EMC10: variants seen among roughly 807,000 people sequenced by gnomAD.
EMC10 encodes UPF0510 protein INM02.
EMC10 carries 40 observed loss-of-function variants against 32.2 expected under a neutral mutation model. That is an observed-to-expected ratio of 1.24 (90% confidence interval 0.96 to 1.61). The LOEUF is 1.61. EMC10 is among the 40% of genes most tolerant of loss of function. EMC10 has a pLI of 0.00. For missense variants in EMC10, 402 were observed against 357.7 expected (o/e 1.12, Z -1.00); for synonymous variants, 178 against 158.4 (o/e 1.12, Z -0.93).
rs1978334116 is a variant in EMC10, at chr19:50,485,901, C to T, written c.*3642C>T. 3 of 152,270 alleles carry T rather than the reference C, an allele frequency of 2.0e-5. No homozygotes were observed. The highest frequency in any genetic ancestry group is 7.2e-5 in the African/African-American group (3 of 41,410). The allele number at this position is 152,270 out of a possible 1,614,324, so 9.4% of individuals were successfully genotyped here. On this transcript the variant is annotated 3_prime_UTR_variant, in exon 7 of 7. Coordinates refer to ENST00000334976, the MANE Select transcript of EMC10 (RefSeq NM_206538.4). ...TCTGCCTCCTGGACCCTCATCCTAG[C>T]CTCGTGACTTCTGGTCTAAGATGTG... is the stretch of plus-strand genomic sequence containing the variant.
At position 50,483,204 on chromosome 19, in the gene EMC10, C is replaced by A; in HGVS notation, c.*945C>A. ...CAACTGTTGTTTTGGCAAGACGGTC[C>A]TGATGTACAAGCTTGATTGAAATTC... On this transcript the variant is annotated 3_prime_UTR_variant, in exon 7 of 7. Transcript: ENST00000334976. 2.2e-6 allele frequency: 1 copy of A among 444,534 alleles called. No individual in the cohort carries two copies. Among genetic ancestry groups the A allele is most frequent in the Admixed American group, 2.4e-5 (1 of 41,194 alleles). 27.5% of individuals were successfully genotyped at this position (444,534 alleles called of 1,614,324 possible).
rs976030536 is a variant in EMC10, at chr19:50,486,334, C to G, written c.*4075C>G. The G allele has an allele frequency of 6.6e-6, 1 of 152,132 alleles. No individual in the cohort carries two copies. The highest frequency in any genetic ancestry group is 2.4e-5 in the African/African-American group (1 of 41,404). The allele number at this position is 152,132 out of a possible 1,614,324, so 9.4% of individuals were successfully genotyped here. On this transcript the variant is annotated 3_prime_UTR_variant, in exon 7 of 7. Transcript: ENST00000334976. ...CCTCCTGAGTAGCTGGGATTACAAC[C>G]GTGTGCCACCACACCCAGCCAATTT...
At position 50,478,034 on chromosome 19, in the gene EMC10, A is replaced by G. The variant is rs185494047; in HGVS notation, c.187+33A>G. On this transcript the variant is annotated intron_variant, in intron 2 of 6. Transcript: ENST00000334976. ...AGGCAACGTCCTCTCCTAGACACTT[A>G]ACATTGGTGCCCTGAGAAGTCAAGA... The G allele has an allele frequency of 4.1e-4, 631 of 1,551,934 alleles. 1 individual carries two copies. Among genetic ancestry groups the G allele is most frequent in the Non-Finnish European group, 9.9e-5 (113 of 1,144,356 alleles).
Position 50,483,100 on chromosome 19 carries a change from G to C in EMC10, c.*841G>C, listed in dbSNP as rs957970977. ...GCCTTTGCTGTGTGCCACCCTCCCT[G>C]TAAGTCTATTTAAAAACATCGACGA... On this transcript the variant is annotated 3_prime_UTR_variant, in exon 7 of 7. Transcript: ENST00000334976. 1 of 493,088 alleles carries C rather than the reference G, an allele frequency of 2.0e-6. No homozygotes were observed. The allele number at this position is 493,088 out of a possible 1,614,324, so 30.5% of individuals were successfully genotyped here.
chr19:50,476,790 C>A, intron 1 of EMC10, 132 bp downstream of exon 1: 1 of 621,262 alleles, frequency 1.6e-6, no homozygotes, highest in Non-Finnish European at 2.6e-6. Flanking sequence ...CCTGGAAAGC[C>A]AGGCCTCAGT....
chr19:50,481,754 C>A, intron 6 of EMC10: 2 of 949,412 alleles, frequency 2.1e-6, no homozygotes, highest in Non-Finnish European at 3.1e-6. Flanking sequence ...GAGCCCTTGC[C>A]TGCTGGGCCC....
intron 3 of EMC10, among the ~76,000 whole-genome samples, chr19:50,479,619 A>G (rs894096712): frequency 6.6e-6 from 1 of 151,986 alleles, no homozygotes; most frequent in African/African-American, 2.4e-5. Flanking sequence ...ACCCACTTCC[A>G]CCCATCAGCC....
Position 50,482,792 on chromosome 19 carries a change from A to G in EMC10, c.*533A>G, listed in dbSNP as rs539657156. The G allele has an allele frequency of 3.9e-6, 2 of 514,988 alleles. No homozygotes were observed. The highest frequency in any genetic ancestry group is 6.8e-6 in the Non-Finnish European group (2 of 292,816). The allele number at this position is 514,988 out of a possible 1,614,324, so 31.9% of individuals were successfully genotyped here. On this transcript the variant is annotated 3_prime_UTR_variant, in exon 7 of 7. Coordinates refer to ENST00000334976, the MANE Select transcript of EMC10 (RefSeq NM_206538.4). Reference sequence around the variant, plus strand: ...GGGTCCCCTCATCAGGGGCAGAGGCATGAAAGAGTCGGGGCTGGATGGCCG... The same window carrying G: ...GGGTCCCCTCATCAGGGGCAGAGGCGTGAAAGAGTCGGGGCTGGATGGCCG...
Position 50,480,777 on chromosome 19 carries a change from C to T in EMC10, c.584+15C>T, listed in dbSNP as rs769468914. The T allele has an allele frequency of 6.4e-7, 1 of 1,574,168 alleles. No homozygotes were observed. The highest frequency in any genetic ancestry group is 1.2e-5 in the South Asian group (1 of 84,940). Reference sequence around the variant, plus strand: ...ACAGCCCCAGGGTGAGCCTCTGCTGCCTTCGCGGCGCTCTTGCCACCTGCC... The same window carrying T: ...ACAGCCCCAGGGTGAGCCTCTGCTGTCTTCGCGGCGCTCTTGCCACCTGCC... On this transcript the variant is annotated intron_variant, in intron 5 of 6. Transcript: ENST00000334976. This position sits in a 1 kb window ranked among gnomAD's most constrained non-coding sequence, Gnocchi z 4.4.
intron 6 of EMC10, 63 bp downstream of exon 6, chr19:50,481,040 C>T: frequency 3.8e-6 from 5 of 1,332,730 alleles, no homozygotes; most frequent in Non-Finnish European, 5.3e-6. Flanking sequence ...TGGCCAGGCC[C>T]TCCATGCTCC....
intron 2 of EMC10, among the ~76,000 whole-genome samples, chr19:50,478,742 G>C (rs2040269926): frequency 6.6e-6 from 1 of 152,220 alleles, no homozygotes; most frequent in South Asian, 2.1e-4. Context: ...TTTGGGAGCT[G>C]TGGGGTTCAT....
Position 50,488,145 on chromosome 19 carries a change from A to T in EMC10, c.*5886A>T, listed in dbSNP as rs1157355202. 6.6e-6 allele frequency: 1 copy of T among 151,762 alleles called. No homozygotes were observed. Among genetic ancestry groups the T allele is most frequent in the Non-Finnish European group, 1.5e-5 (1 of 68,014 alleles). The allele number at this position is 151,762 out of a possible 1,614,324, so 9.4% of individuals were successfully genotyped here. ...GTCTCTACTAAAAATACAAAAAAAA[A>T]ATTAGCAGGGCATGGTGGCAGGCGC... is the stretch of plus-strand genomic sequence containing the variant. On this transcript the variant is annotated 3_prime_UTR_variant, in exon 7 of 7. Transcript: ENST00000334976.
chr19:50,480,491 T>C lies in EMC10; in HGVS notation c.403-90T>C. 6.9e-7 allele frequency: 1 copy of C among 1,443,268 alleles called. No homozygotes were observed. The highest frequency in any genetic ancestry group is 1.9e-4 in the Middle Eastern group (1 of 5,142). The allele number at this position is 1,443,268 out of a possible 1,614,324, so 89.4% of individuals were successfully genotyped here. A position where few individuals can be genotyped will look rare whatever the true frequency, so the allele number is the denominator to read the frequency against. ...GCCATGGGAAGGTTTTGAAAAATGCTCCGGGGGTCCTGTGGTGGGGGCCGG... is the reference window on the plus strand; with the variant it reads ...GCCATGGGAAGGTTTTGAAAAATGCCCCGGGGGTCCTGTGGTGGGGGCCGG... On this transcript the variant is annotated intron_variant, in intron 4 of 6. Coordinates refer to ENST00000334976, the MANE Select transcript of EMC10 (RefSeq NM_206538.4). This position sits in a 1 kb window ranked among gnomAD's most constrained non-coding sequence, Gnocchi z 4.4.
chr19:50,484,521 G>A lies in EMC10; in HGVS notation c.*2262G>A, dbSNP rs567921803. On this transcript the variant is annotated 3_prime_UTR_variant, in exon 7 of 7. Coordinates refer to ENST00000334976, the MANE Select transcript of EMC10 (RefSeq NM_206538.4). ...CAGGCTGGCAGGGTTACTCTGTTGG[G>A]TATTCCAGGAAATGCCTGAGCTCCT... 1 of 152,232 alleles carries A rather than the reference G, an allele frequency of 6.6e-6. No homozygotes were observed. Among genetic ancestry groups the A allele is most frequent in the South Asian group, 2.1e-4 (1 of 4,810 alleles). 9.4% of individuals were successfully genotyped at this position (152,232 alleles called of 1,614,324 possible).
chr19:50,477,001 A>G (rs2040236502), intron 1 of EMC10: 1 of 225,632 alleles, frequency 4.4e-6, no homozygotes, highest in African/African-American at 2.3e-5. Context: ...CTCATCTGTC[A>G]TCCCAACGCT....
rs771613772 is a variant in EMC10, at chr19:50,480,944, C to T, written c.645C>T (p.Asn215=). The T allele has an allele frequency of 1.2e-6, 2 of 1,612,696 alleles. No homozygotes were observed. Among genetic ancestry groups the T allele is most frequent in the Admixed American group, 1.7e-5 (1 of 59,880 alleles). Residue 215 remains asparagine, a synonymous_variant, in exon 6 of 7, where the codon AAC becomes AAT. Transcript: ENST00000334976. The surrounding 1 kb of genome is among the most constrained non-coding windows in gnomAD (Gnocchi z 4.4). The stretch of plus-strand genomic sequence containing the variant: ...TGGAACAGGCCCAGAAGGCCAAGAA[C>T]CCCCAGGAGCAGAAGTCCTTCTTCG... The part of the protein sequence containing the change: ...LEMEQAQKAK[N]PQEQKSFFAK...
In EMC10 at chr19:50,482,637, G is replaced by C. The variant is rs182313630; in HGVS notation, c.*378G>C. 154 of 483,744 alleles carry C rather than the reference G, an allele frequency of 3.2e-4. No homozygotes were observed. Among genetic ancestry groups the C allele is most frequent in the Non-Finnish European group, 5.0e-4 (139 of 275,666 alleles). The allele number at this position is 483,744 out of a possible 1,614,324, so 30.0% of individuals were successfully genotyped here. On this transcript the variant is annotated 3_prime_UTR_variant, in exon 7 of 7. Transcript: ENST00000334976. ...CCTTCTCTCCAGCCTCTGTGCCTTT[G>C]TTCCAGGTGGTCTCACCCTCCTGTC...
In EMC10 at chr19:50,482,135, C is replaced by T. The variant is rs747413530; in HGVS notation, c.679-14C>T. ...TTTCTGTGTCTGTCTGTCCATCCTTCCGTCCGGCTGCAGTGGATGTACATC... is the reference window on the plus strand; with the variant it reads ...TTTCTGTGTCTGTCTGTCCATCCTTTCGTCCGGCTGCAGTGGATGTACATC... On this transcript the variant is annotated splice_polypyrimidine_tract_variant and intron_variant, in intron 6 of 6. Coordinates refer to ENST00000334976, the MANE Select transcript of EMC10 (RefSeq NM_206538.4). 1.3e-5 allele frequency: 20 copies of T among 1,536,236 alleles called. No homozygotes were observed. The highest frequency in any genetic ancestry group is 1.6e-5 in the Non-Finnish European group (18 of 1,109,246).
intron 2 of EMC10, among the ~76,000 whole-genome samples, 158 bp from the exon 3 acceptor site, chr19:50,478,799 C>T (rs900910474): frequency 6.6e-6 from 1 of 152,106 alleles, no homozygotes; most frequent in Non-Finnish European, 1.5e-5. Context: ...GTGGAGGTGT[C>T]CCCACTTTGC....
Sources: gnomAD v4.1 joint callset for allele counts (sites outside exome capture counted in the v4.1 genomes callset) on GRCh38, gnomAD v4.1.1 for gene constraint, Gnocchi (gnomAD v3.1) non-coding constraint, MANE v1.5 for transcripts, NCBI Gene and HGNC (gene_info 2026-07-23, HGNC 2026-07-21) for gene names.